Variants in ATP2B2 observed in about 807,000 individuals in gnomAD.
ATP2B2 encodes the protein plasma membrane calcium-transporting ATPase 2.
Under a neutral mutation model 120.0 loss-of-function variants are expected in ATP2B2, and 15 were observed. The observed-to-expected ratio is 0.12, with a 90% confidence interval of 0.08 to 0.19. The LOEUF is 0.19. Ranked by LOEUF, ATP2B2 falls within the 10% of genes least tolerant of loss-of-function variation. The probability of loss-of-function intolerance (pLI) is 1.00; values close to 1 mark genes in which losing one functional copy is unlikely to be tolerated. For missense variants in ATP2B2, 1,045 were observed against 1,719.8 expected (o/e 0.61, Z 6.94); for synonymous variants, 694 against 700.3 (o/e 0.99, Z 0.14).
At chr3:10,579,796 C>T (rs1053858452) in intron 2 of ATP2B2, among the ~76,000 whole-genome samples, 3 of 90,698 alleles carry the variant, frequency 3.3e-5, no homozygotes, top group African/African-American at 1.1e-4. Flanking sequence ...GGCAACAGAG[C>T]GAGACTCCGT....
intron 1 of ATP2B2, among the ~76,000 whole-genome samples, chr3:10,633,211 G>T (rs766956638): frequency 3.3e-5 from 5 of 152,178 alleles, no homozygotes; most frequent in Non-Finnish European, 7.3e-5. Flanking sequence ...AATTCTAATG[G>T]CTGTCTTATA....
At chr3:10,465,655 C>T (rs528127245) in intron 1 of ATP2B2, among the ~76,000 whole-genome samples, 1 of 152,314 alleles carries the variant, frequency 6.6e-6, no homozygotes, top group East Asian at 1.9e-4. Context: ...TACTCCCTGC[C>T]CCTGTAGATA....
At chr3:10,623,751 T>G (rs916306840) in intron 1 of ATP2B2, among the ~76,000 whole-genome samples, 5 of 152,140 alleles carry the variant, frequency 3.3e-5, no homozygotes, top group East Asian at 3.9e-4. Flanking sequence ...AGCCCCAGGA[T>G]TTCCACAAGT....
chr3:10,455,685 G>C (rs2064228587), intron 1 of ATP2B2, among the ~76,000 whole-genome samples: 1 of 150,792 alleles, frequency 6.6e-6, no homozygotes. Flanking sequence ...TAAGCAATGG[G>C]CACACAGGCC....
intron 5 of ATP2B2, among the ~76,000 whole-genome samples, chr3:10,397,816 T>C (rs1414064824): frequency 3.3e-5 from 5 of 152,214 alleles, no homozygotes; most frequent in African/African-American, 9.6e-5. Flanking sequence ...ATCCTGCTCA[T>C]AGACAGTCGG....
intron 3 of ATP2B2, among the ~76,000 whole-genome samples, chr3:10,533,352 A>AATGAGC (rs1303381738): frequency 6.6e-6 from 1 of 152,202 alleles, no homozygotes; most frequent in Non-Finnish European, 1.5e-5. Context: ...GTAAGTATTT[A>AATGAGC]ATGAGCACCT....
chr3:10,496,535 C>A (rs963693234), intron 1 of ATP2B2, among the ~76,000 whole-genome samples: 1 of 152,200 alleles, frequency 6.6e-6, no homozygotes, highest in Non-Finnish European at 1.5e-5. Flanking sequence ...TGAGGCCACA[C>A]GCTTGTTTAT....
chr3:10,413,412 G>A (rs1192382666), intron 2 of ATP2B2, among the ~76,000 whole-genome samples: 3 of 152,250 alleles, frequency 2.0e-5, no homozygotes, highest in Non-Finnish European at 4.4e-5. Flanking sequence ...GTGCAGGCAA[G>A]CTCTTGGGAT....
chr3:10,689,838 G>T (rs775824995), intron 1 of ATP2B2, among the ~76,000 whole-genome samples: 1 of 152,188 alleles, frequency 6.6e-6, no homozygotes, highest in Non-Finnish European at 1.5e-5. Flanking sequence ...GCATTGCTGC[G>T]CACCCTCCAC....
At chr3:10,651,846 C>T (rs531850541) in intron 1 of ATP2B2, among the ~76,000 whole-genome samples, 1 of 152,222 alleles carries the variant, frequency 6.6e-6, no homozygotes, top group South Asian at 2.1e-4. Context: ...TTCTGGAAAG[C>T]CTTTGTCCAT....
intron 3 of ATP2B2, among the ~76,000 whole-genome samples, chr3:10,533,480 C>G: frequency 6.6e-6 from 1 of 152,168 alleles, no homozygotes; most frequent in South Asian, 2.1e-4. Flanking sequence ...AGTATTTGAA[C>G]CTGGGACTGA....
At chr3:10,629,556 C>A (rs2125636234) in intron 1 of ATP2B2, among the ~76,000 whole-genome samples, 1 of 152,286 alleles carries the variant, frequency 6.6e-6, no homozygotes, top group African/African-American at 2.4e-5. Flanking sequence ...CTCACCTGCC[C>A]TGTGGGTAGA....
chr3:10,409,807 T>C (rs1017652308), intron 3 of ATP2B2, among the ~76,000 whole-genome samples: 2 of 152,220 alleles, frequency 1.3e-5, no homozygotes, highest in Non-Finnish European at 2.9e-5. Context: ...TTTAATTTGC[T>C]TGTCTGAAGG....
At chr3:10,701,513 C>T (rs1363426295) in intron 1 of ATP2B2, among the ~76,000 whole-genome samples, 2 of 152,148 alleles carry the variant, frequency 1.3e-5, no homozygotes, top group East Asian at 3.8e-4. Context: ...TGGTTGTACC[C>T]ATCGTTGTTG....
chr3:10,696,823 G>C (rs923023248), intron 1 of ATP2B2, among the ~76,000 whole-genome samples: 1 of 152,194 alleles, frequency 6.6e-6, no homozygotes, highest in African/African-American at 2.4e-5. Flanking sequence ...GTGAAATGTG[G>C]AGGTGGTAAC....
intron 1 of ATP2B2, among the ~76,000 whole-genome samples, chr3:10,632,010 G>C (rs1313577813): frequency 6.6e-6 from 1 of 152,168 alleles, no homozygotes; most frequent in African/African-American, 2.4e-5. Flanking sequence ...GCCTGGACTG[G>C]GACCCTCAGG....
Position 10,328,097 on chromosome 3 carries a change from CTTTA to C in ATP2B2, c.*713_*716del, listed in dbSNP as rs1037888562. ...ACAAGGCAACATGCCGGCAAAGAAA[CTTTA>C]TATATCCATGTATATATATTTATAT... On this transcript the variant is annotated 3_prime_UTR_variant, in exon 23 of 23. Transcript: ENST00000360273. The C allele has an allele frequency of 6.7e-6, 1 of 150,100 alleles. No homozygotes were observed. Among genetic ancestry groups the C allele is most frequent in the Non-Finnish European group, 1.5e-5 (1 of 67,678 alleles). 9.3% of individuals were successfully genotyped at this position (150,100 alleles called of 1,614,324 possible).
At chr3:10,683,762 A>G (rs12494336) in intron 1 of ATP2B2, among the ~76,000 whole-genome samples, 3,132 of 8,400 alleles carry the variant, frequency 0.37, 106 homozygotes, top group African/African-American at 0.44. Context: ...GTGTGTGTGT[A>G]TATATATATA....
intron 2 of ATP2B2, among the ~76,000 whole-genome samples, chr3:10,424,394 C>T (rs961417355): frequency 6.6e-6 from 1 of 152,188 alleles, no homozygotes; most frequent in Non-Finnish European, 1.5e-5. Context: ...CTGCCATTTT[C>T]CTTGTTACTC....
Sources: allele counts gnomAD v4.1 joint callset (sites outside exome capture counted in the v4.1 genomes callset), GRCh38; gene constraint gnomAD v4.1.1; transcripts MANE v1.5; gene names NCBI Gene and HGNC (gene_info 2026-07-23, HGNC 2026-07-21).